The following JARID2 variants were observed in gnomAD, a reference collection of about 807,000 sequenced individuals.
The protein encoded by JARID2 is protein Jumonji.
A neutral mutation model predicts 125.6 loss-of-function variants in JARID2; 21 were observed. That is an observed-to-expected ratio of 0.17 (90% CI 0.12 to 0.24). The LOEUF (loss-of-function observed/expected upper bound fraction) is 0.24, where lower values mean the gene tolerates loss of function less well. JARID2 is among the 10% of genes least tolerant of loss of function. The pLI is 1.00. For missense variants in JARID2, 1,303 were observed against 1,639.6 expected, an observed-to-expected ratio of 0.79 and a Z score of 3.55; for synonymous variants, 736 against 661.6, an observed-to-expected ratio of 1.11 and a Z score of -1.73.
chr6:15,402,596 A>T (rs542783861), intron 2 of JARID2, among the ~76,000 whole-genome samples: 1 of 152,256 alleles, frequency 6.6e-6, no homozygotes, highest in African/African-American at 2.4e-5. Flanking sequence ...CGTCTCCTTC[A>T]TGTGACTGAG....
At chr6:15,426,954 T>A (rs1257719510) in intron 3 of JARID2, among the ~76,000 whole-genome samples, 1 of 152,192 alleles carries the variant, frequency 6.6e-6, no homozygotes, top group South Asian at 2.1e-4. Context: ...CACCTTGATA[T>A]ATTTGGAGTA....
intron 5 of JARID2, among the ~76,000 whole-genome samples, chr6:15,471,342 A>G (rs1410923946): frequency 6.6e-6 from 1 of 152,170 alleles, no homozygotes; most frequent in African/African-American, 2.4e-5. Flanking sequence ...CCTCTGGAGA[A>G]CTTTTTCTTG....
At chr6:15,271,030 G>A (rs1760278292) in intron 1 of JARID2, among the ~76,000 whole-genome samples, 1 of 152,184 alleles carries the variant, frequency 6.6e-6, no homozygotes, top group Non-Finnish European at 1.5e-5. Context: ...TTAGCTGCAA[G>A]TATTGTGTGA....
chr6:15,427,884 C>T (rs1029921757), intron 3 of JARID2, among the ~76,000 whole-genome samples: 1 of 145,276 alleles, frequency 6.9e-6, no homozygotes, highest in African/African-American at 2.5e-5. Flanking sequence ...TTAGACATAC[C>T]TTTTTTTTTT....
At chr6:15,335,710 G>A (rs1455561446) in intron 1 of JARID2, among the ~76,000 whole-genome samples, 3 of 152,120 alleles carry the variant, frequency 2.0e-5, no homozygotes, top group Admixed American at 1.3e-4. Flanking sequence ...CAGATTTTCT[G>A]TCTGTGCCCC....
chr6:15,479,885 A>G (rs932685668), intron 5 of JARID2, among the ~76,000 whole-genome samples: 4 of 152,210 alleles, frequency 2.6e-5, no homozygotes, highest in African/African-American at 9.6e-5. Flanking sequence ...ATGCTACATT[A>G]AAATCCATTT....
chr6:15,350,738 T>G (rs1328627765), intron 1 of JARID2, among the ~76,000 whole-genome samples: 1 of 151,820 alleles, frequency 6.6e-6, no homozygotes, highest in Non-Finnish European at 1.5e-5. Flanking sequence ...AGGTTTTTTT[T>G]TTTTTTTTTT....
At chr6:15,250,444 T>C (rs1408688961) in intron 1 of JARID2, among the ~76,000 whole-genome samples, 1 of 152,192 alleles carries the variant, frequency 6.6e-6, no homozygotes, top group African/African-American at 2.4e-5. Context: ...CTGGGATGTT[T>C]ACGTGGCTTT....
At chr6:15,255,669 G>C (rs188386893) in intron 1 of JARID2, among the ~76,000 whole-genome samples, 1 of 152,180 alleles carries the variant, frequency 6.6e-6, no homozygotes, top group Admixed American at 6.5e-5. Flanking sequence ...CCAGCTGTTA[G>C]AGTGTTTGGT....
At chr6:15,476,931 G>A (rs1170384702) in intron 5 of JARID2, among the ~76,000 whole-genome samples, 2 of 152,192 alleles carry the variant, frequency 1.3e-5, no homozygotes, top group Non-Finnish European at 2.9e-5. Context: ...AATGCCTTTG[G>A]AATGAGTTTA....
At chr6:15,319,745 A>G (rs62395374) in intron 1 of JARID2, among the ~76,000 whole-genome samples, 12,598 of 152,236 alleles carry the variant, frequency 0.083, 657 homozygotes, top group East Asian at 0.15. Flanking sequence ...GAAGCAGGAA[A>G]AGTTTAACCT....
In JARID2 at chr6:15,496,977, C is replaced by T. The variant is rs1462051464; in HGVS notation, c.1752C>T (p.Phe584=). 5.0e-6 allele frequency: 8 copies of T among 1,613,502 alleles called. No individual in the cohort carries two copies. The highest frequency in any genetic ancestry group is 4.5e-5 in the East Asian group (2 of 44,872). ...CGGTCCGCGCTCAGGTGGAGAAGTT[C>T]GGGATGTGCAGGGTGATCCCCCCTC... ...IESVRAQVEK[F]GMCRVIPPPD... The change falls in exon 7 of 18, where the codon TTC becomes TTT. Residue 584 remains phenylalanine (F), a synonymous_variant. Transcript: ENST00000341776.
At chr6:15,282,979 A>AT (rs1008943285) in intron 1 of JARID2, among the ~76,000 whole-genome samples, 13 of 148,904 alleles carry the variant, frequency 8.7e-5, no homozygotes, top group East Asian at 2.0e-4. Flanking sequence ...CTATTTTTTT[A>AT]TTTTTTTTAT....
At chr6:15,325,903 CTT>C (rs1042631962) in intron 1 of JARID2, among the ~76,000 whole-genome samples, 1 of 152,142 alleles carries the variant, frequency 6.6e-6, no homozygotes, top group African/African-American at 2.4e-5. Flanking sequence ...ATATTAAAGA[CTT>C]TTGCAGAAGT....
chr6:15,384,428 A>G (rs572176050), intron 2 of JARID2, among the ~76,000 whole-genome samples: 14 of 144,040 alleles, frequency 9.7e-5, no homozygotes, highest in African/African-American at 3.1e-4. Context: ...AAAGCCAACT[A>G]TCTGTGAGGT....
chr6:15,517,030 GT>G, intron 16 of JARID2, 130 bp from the exon 17 acceptor site: 1 of 656,538 alleles, frequency 1.5e-6, no homozygotes, highest in Non-Finnish European at 2.7e-6. Context: ...GGCCCGGGTG[GT>G]GGGTGCTGGG....
At chr6:15,261,719 A>G (rs1759885442) in intron 1 of JARID2, among the ~76,000 whole-genome samples, 1 of 151,938 alleles carries the variant, frequency 6.6e-6, no homozygotes, top group African/African-American at 2.4e-5. Flanking sequence ...AGGAATACTG[A>G]ATTTACTTTT....
intron 1 of JARID2, among the ~76,000 whole-genome samples, chr6:15,275,230 A>G (rs757327101): frequency 6.6e-6 from 1 of 152,188 alleles, no homozygotes; most frequent in Non-Finnish European, 1.5e-5. Context: ...TGGGGTCAGT[A>G]GCAAAGACAG....
At chr6:15,458,096 G>A (rs964244384) in intron 4 of JARID2, among the ~76,000 whole-genome samples, 3 of 152,292 alleles carry the variant, frequency 2.0e-5, no homozygotes, top group Non-Finnish European at 4.4e-5. Flanking sequence ...GCGGGGAAGA[G>A]GGTTTTGCGC....
Sources: gnomAD v4.1 joint callset for allele counts (sites outside exome capture counted in the v4.1 genomes callset) on GRCh38, gnomAD v4.1.1 for gene constraint, MANE v1.5 for transcripts, NCBI Gene and HGNC (gene_info 2026-07-23, HGNC 2026-07-21) for gene names.